Variants in GSAP observed in about 807,000 individuals in gnomAD.
GSAP encodes the protein gamma-secretase activating protein, also known as gamma-secretase-activating protein.
Under a neutral mutation model 131.7 loss-of-function variants are expected in GSAP, and 118 were observed. The ratio of observed to expected loss-of-function variants is 0.90; its 90% CI spans 0.77 to 1.04. The LOEUF is 1.04. Ranked by LOEUF, GSAP falls within the 50% of genes least tolerant of loss-of-function variation. The pLI, the probability that GSAP is intolerant of heterozygous loss-of-function variation, is 0.00. For missense variants in GSAP, 1,019 were observed against 1,013.2 expected (o/e 1.01, Z -0.08); for synonymous variants, 381 against 363.4 (o/e 1.05, Z -0.55).
At chr7:77,331,927 G>T in intron 19 of GSAP, 1 of 150,482 alleles carries the variant, frequency 6.6e-6, no homozygotes. Context: ...GACAAATCCT[G>T]CAGACGTTTG....
Position 77,406,008 on chromosome 7 carries a change from TAAAA to T in GSAP, c.186+17_186+20del. ...CAGTAAATTTTACATCTTACCACAA[TAAAA>T]AAGAATATAGACATACCTTATAGGT... is the stretch of plus-strand genomic sequence containing the variant. On this transcript the variant is annotated intron_variant, in intron 2 of 30. Coordinates refer to ENST00000257626, the MANE Select transcript of GSAP (RefSeq NM_017439.4). The T allele has an allele frequency of 1.2e-6, 1 of 852,254 alleles. No individual in the cohort carries two copies. Among genetic ancestry groups the T allele is most frequent in the Non-Finnish European group, 1.7e-6 (1 of 603,858 alleles). 52.8% of individuals were successfully genotyped at this position (852,254 alleles called of 1,614,324 possible).
intron 26 of GSAP, among the ~76,000 whole-genome samples, chr7:77,318,334 T>C (rs1047811220): frequency 1.3e-5 from 2 of 150,300 alleles, no homozygotes; most frequent in African/African-American, 2.4e-5. Flanking sequence ...CTTAAGTTTC[T>C]ACCAGTTAAA....
At chr7:77,388,666 A>G (rs1265363552) in intron 5 of GSAP, among the ~76,000 whole-genome samples, 1 of 152,228 alleles carries the variant, frequency 6.6e-6, no homozygotes, top group East Asian at 1.9e-4. Context: ...TGTGAAAAAT[A>G]ATATACAAAA....
chr7:77,394,147 A>G (rs1800003057), intron 5 of GSAP, among the ~76,000 whole-genome samples: 1 of 152,214 alleles, frequency 6.6e-6, no homozygotes, highest in Non-Finnish European at 1.5e-5. Context: ...AAGTTAGATC[A>G]TGTCCCTGCT....
At chr7:77,364,338 T>C (rs1412791376) in intron 12 of GSAP, among the ~76,000 whole-genome samples, 3 of 151,932 alleles carry the variant, frequency 2.0e-5, no homozygotes, top group African/African-American at 7.3e-5. Context: ...TAGCAAACTA[T>C]CTGCACTCCA....
intron 19 of GSAP, among the ~76,000 whole-genome samples, chr7:77,339,918 G>A (rs778551839): frequency 1.3e-5 from 2 of 152,202 alleles, no homozygotes; most frequent in Non-Finnish European, 2.9e-5. Context: ...TAAATCCCTT[G>A]TAAATGTAAA....
At chr7:77,333,022 C>G (rs993678869) in intron 19 of GSAP, among the ~76,000 whole-genome samples, 2 of 152,144 alleles carry the variant, frequency 1.3e-5, no homozygotes, top group African/African-American at 4.8e-5. Flanking sequence ...CAAAAATTAG[C>G]TGGGCGTGGT....
intron 6 of GSAP, among the ~76,000 whole-genome samples, chr7:77,385,241 C>T (rs1158968680): frequency 6.6e-6 from 1 of 152,126 alleles, no homozygotes; most frequent in Non-Finnish European, 1.5e-5. Flanking sequence ...GCCACGTTGG[C>T]CAGGCTGGTC....
intron 26 of GSAP, among the ~76,000 whole-genome samples, chr7:77,318,350 A>AAC (rs1787152645): frequency 2.0e-5 from 3 of 152,238 alleles, no homozygotes; most frequent in African/African-American, 7.2e-5. Flanking sequence ...TTAAAATTTT[A>AAC]TGAAAATTAA....
rs113254745 is a variant in GSAP, at chr7:77,349,259, A to G, written c.1545+92T>C. ...TGCCTTGCCCTCCCCTCCCCTGCCA[A>G]TTTGCAATCCCTTTTGGAACCACCA... On this transcript the variant is annotated intron_variant, in intron 19 of 30. Transcript: ENST00000257626. The G allele has an allele frequency of 3.0e-3, 3,147 of 1,034,352 alleles. 77 individuals are homozygous for G. In the African/African-American group the frequency reaches 0.044, roughly 14 times the overall value. 64.1% of individuals were successfully genotyped at this position (1,034,352 alleles called of 1,614,324 possible). A position where few individuals can be genotyped will look rare whatever the true frequency, so the allele number is the denominator to read the frequency against.
intron 8 of GSAP, among the ~76,000 whole-genome samples, chr7:77,378,070 T>G (rs989175296): frequency 1.3e-5 from 2 of 152,252 alleles, no homozygotes; most frequent in African/African-American, 4.8e-5. Context: ...GACAATTACA[T>G]TTTAATTAAT....
At chr7:77,346,395 A>G (rs1791872636) in intron 19 of GSAP, among the ~76,000 whole-genome samples, 1 of 151,724 alleles carries the variant, frequency 6.6e-6, no homozygotes, top group African/African-American at 2.4e-5. Flanking sequence ...CAGAAGAACA[A>G]TTGAGTTAAG....
At chr7:77,400,862 A>G (rs1421929816) in intron 3 of GSAP, among the ~76,000 whole-genome samples, 1 of 152,036 alleles carries the variant, frequency 6.6e-6, no homozygotes, top group African/African-American at 2.4e-5. Context: ...GAAGCAAACG[A>G]AAAAAAGTCT....
chr7:77,353,444 G>GTTT, intron 17 of GSAP, 128 bp downstream of exon 17: 92 of 516,660 alleles, frequency 1.8e-4, no homozygotes, highest in Admixed American at 3.7e-4. Flanking sequence ...ATAGAGTTTT[G>GTTT]TTTTTTTTTT....
intron 22 of GSAP, 97 bp downstream of exon 22, chr7:77,328,509 A>C (rs2868727): frequency 6.5e-7 from 1 of 1,530,780 alleles, no homozygotes; most frequent in Non-Finnish European, 8.7e-7. Context: ...CACTACTGGA[A>C]GTGATTCTCT....
chr7:77,331,174 G>A (rs1459736149), intron 19 of GSAP, among the ~76,000 whole-genome samples: 1 of 152,120 alleles, frequency 6.6e-6, no homozygotes, highest in African/African-American at 2.4e-5. Context: ...AGTGGCGGGC[G>A]CTTGTAGTCC....
chr7:77,397,513 G>T, intron 3 of GSAP, 98 bp from the exon 4 acceptor site: 1 of 636,864 alleles, frequency 1.6e-6, no homozygotes. Context: ...AAGTATTACT[G>T]GGGCAAAATA....
At chr7:77,337,765 T>C (rs1790253135) in intron 19 of GSAP, among the ~76,000 whole-genome samples, 1 of 152,220 alleles carries the variant, frequency 6.6e-6, no homozygotes, top group African/African-American at 2.4e-5. Context: ...AGCATGCTCA[T>C]CTTTTATCTT....
chr7:77,351,230 AAAAATT>A, intron 18 of GSAP: 1 of 981,352 alleles, frequency 1.0e-6, no homozygotes, highest in Non-Finnish European at 1.2e-6. Flanking sequence ...ATACCTCAAA[AAAAATT>A]AAAATTTCAT....
Sources: gnomAD v4.1 joint callset for allele counts (sites outside exome capture counted in the v4.1 genomes callset) on GRCh38, gnomAD v4.1.1 for gene constraint, MANE v1.5 for transcripts, NCBI Gene and HGNC (gene_info 2026-07-23, HGNC 2026-07-21) for gene names.